Variants in SLC38A9 observed in about 807,000 individuals in gnomAD.
SLC38A9 encodes neutral amino acid transporter 9.
SLC38A9 carries 48 observed loss-of-function variants against 62.3 expected under a neutral mutation model. The observed-to-expected ratio is 0.77, with a 90% confidence interval of 0.61 to 0.98. The LOEUF (loss-of-function observed/expected upper bound fraction) is 0.98, where lower values mean the gene tolerates loss of function less well. SLC38A9 is among the 50% of genes least tolerant of loss of function. SLC38A9 has a pLI of 0.00. For synonymous variants in SLC38A9, 204 were observed against 227.7 expected (o/e 0.90, Z 0.94); for missense variants, 541 against 679.8 (o/e 0.80, Z 2.27).
intron 4 of SLC38A9, among the ~76,000 whole-genome samples, chr5:55,671,110 A>C (rs1301761337): frequency 1.3e-5 from 2 of 152,102 alleles, no homozygotes; most frequent in Non-Finnish European, 2.9e-5. Flanking sequence ...GTTTTCTCCC[A>C]GAATGTTCTT....
chr5:55,709,147 T>C (rs1424254911), intron 2 of SLC38A9, among the ~76,000 whole-genome samples: 8 of 152,164 alleles, frequency 5.3e-5, no homozygotes, highest in African/African-American at 1.7e-4. Context: ...TCCAACCTGA[T>C]CAATAAATGC....
chr5:55,682,575 G>A (rs1244892934), intron 3 of SLC38A9, among the ~76,000 whole-genome samples: 2 of 152,076 alleles, frequency 1.3e-5, no homozygotes, highest in African/African-American at 4.8e-5. Flanking sequence ...GGGAGTTCAA[G>A]AACAGCTTGG....
At chr5:55,685,875 C>T (rs188697690) in intron 3 of SLC38A9, among the ~76,000 whole-genome samples, 3 of 152,136 alleles carry the variant, frequency 2.0e-5, no homozygotes, top group Admixed American at 1.3e-4. Context: ...AAAGTGAGTA[C>T]ATGTGGTATT....
intron 12 of SLC38A9, among the ~76,000 whole-genome samples, chr5:55,636,329 G>C (rs1002441770): frequency 2.6e-5 from 4 of 152,108 alleles, no homozygotes; most frequent in African/African-American, 9.7e-5. Flanking sequence ...TTCTATTGCG[G>C]TTCCCACCCT....
rs756777235 is a variant in SLC38A9 at position 55,633,819 on chromosome 5, G to A, written c.1365C>T (p.Tyr455=). The A allele has an allele frequency of 6.2e-7, 1 of 1,614,146 alleles. No individual in the cohort carries two copies. Among genetic ancestry groups the A allele is most frequent in the East Asian group, 2.2e-5 (1 of 44,886 alleles). ...CACGAGCCAGGTAGCCTAAGAGTGG[G>A]TATACAGTCATCATCTGGAACAGCA... ...IFLLFQMMTV[Y]PLLGYLARVQ... The change falls in exon 14 of 16, where the codon TAC becomes TAT. Residue 455 remains tyrosine (Y), a synonymous_variant. Coordinates refer to ENST00000396865, the MANE Select transcript of SLC38A9 (RefSeq NM_173514.4).
intron 3 of SLC38A9, among the ~76,000 whole-genome samples, chr5:55,685,687 C>T (rs932274824): frequency 6.6e-6 from 1 of 152,024 alleles, no homozygotes; most frequent in African/African-American, 2.4e-5. Context: ...CATAGGCAAA[C>T]ATGTGTGATG....
intron 12 of SLC38A9, among the ~76,000 whole-genome samples, chr5:55,637,718 A>G (rs1365482522): frequency 6.6e-6 from 1 of 152,246 alleles, no homozygotes; most frequent in Non-Finnish European, 1.5e-5. Flanking sequence ...GTGCCAGGCT[A>G]TATTGCTAAG....
chr5:55,644,499 C>G (rs933477295), intron 12 of SLC38A9, among the ~76,000 whole-genome samples: 1 of 152,162 alleles, frequency 6.6e-6, no homozygotes, highest in African/African-American at 2.4e-5. Flanking sequence ...TCTCGGCTCA[C>G]TGCAACCTCT....
chr5:55,682,804 A>G (rs1246096865), intron 3 of SLC38A9, among the ~76,000 whole-genome samples: 1 of 152,172 alleles, frequency 6.6e-6, no homozygotes, highest in Non-Finnish European at 1.5e-5. Flanking sequence ...ACATAAAATT[A>G]AGTATTTAGC....
At chr5:55,646,698 G>T (rs544089401) in intron 11 of SLC38A9, among the ~76,000 whole-genome samples, 4 of 152,086 alleles carry the variant, frequency 2.6e-5, no homozygotes, top group Non-Finnish European at 5.9e-5. Flanking sequence ...TGTGGAGGCA[G>T]TTTCTTTTTT....
At chr5:55,684,525 C>T (rs1371215824) in intron 3 of SLC38A9, among the ~76,000 whole-genome samples, 2 of 152,204 alleles carry the variant, frequency 1.3e-5, no homozygotes, top group Admixed American at 1.3e-4. Context: ...CATTTCTAGG[C>T]TGTAGCCCTT....
At chr5:55,639,056 G>A (rs971623085) in intron 12 of SLC38A9, among the ~76,000 whole-genome samples, 1 of 151,936 alleles carries the variant, frequency 6.6e-6, no homozygotes, top group Non-Finnish European at 1.5e-5. Flanking sequence ...GGTGGTTCAC[G>A]CCTGTAATCC....
At chr5:55,704,890 G>A (rs1386720839) in intron 2 of SLC38A9, among the ~76,000 whole-genome samples, 17 of 152,146 alleles carry the variant, frequency 1.1e-4, no homozygotes, top group Admixed American at 1.1e-3. Context: ...AGATTCATTG[G>A]TTTTGGAGAT....
rs10055847 is a variant in SLC38A9, at chr5:55,670,196, A to G, written c.247-317T>C. On this transcript the variant is annotated intron_variant, in intron 4 of 15. Coordinates refer to ENST00000396865, the MANE Select transcript of SLC38A9 (RefSeq NM_173514.4). ...TAGCCAGGATGGTCTCGATCTCCTG[A>G]CCATGTCATGATCCACCCGCCTCGG... 8.9e-3 allele frequency among the ~76,000 whole-genome samples: 838 copies of G among 94,566 alleles called. 11 individuals carry two copies. The highest frequency in any genetic ancestry group is 0.026 in the African/African-American group (809 of 31,286). 62.0% of individuals were successfully genotyped at this position (94,566 alleles called of 152,430 possible).
chr5:55,686,518 A>G (rs1042009696), intron 3 of SLC38A9, among the ~76,000 whole-genome samples: 1 of 152,196 alleles, frequency 6.6e-6, no homozygotes, highest in African/African-American at 2.4e-5. Context: ...GCTGGATATT[A>G]GACCTTTGTC....
intron 8 of SLC38A9, among the ~76,000 whole-genome samples, chr5:55,659,385 T>TG (rs1749058771): frequency 6.8e-6 from 1 of 146,074 alleles, no homozygotes; most frequent in Non-Finnish European, 1.5e-5. Context: ...AAGGTTTTTT[T>TG]TTTTATTTTA....
At position 55,678,645 on chromosome 5, in the gene SLC38A9, C is replaced by CTTT. The variant is rs869297949; in HGVS notation, c.114-5953_114-5951dup. ...AATTGTTGGATAAGACTGAAATGAA[C>CTTT]TTTTTTTTTTTTTTTTTTTTTTTTT... On this transcript the variant is annotated intron_variant, in intron 3 of 15. Coordinates refer to ENST00000396865, the MANE Select transcript of SLC38A9 (RefSeq NM_173514.4). Among the ~76,000 whole-genome samples, 160 of 45,686 alleles carry CTTT rather than the reference C, an allele frequency of 3.5e-3. 36 individuals carry two copies. The highest frequency in any genetic ancestry group is 4.7e-3 in the South Asian group (5 of 1,056). The allele number at this position is 45,686 out of a possible 152,430, so 30.0% of individuals were successfully genotyped here.
At chr5:55,685,732 C>G (rs974425160) in intron 3 of SLC38A9, among the ~76,000 whole-genome samples, 7 of 152,094 alleles carry the variant, frequency 4.6e-5, no homozygotes, top group African/African-American at 1.7e-4. Flanking sequence ...ATCACCCAGG[C>G]ATTAAGCCTA....
rs568603460 is a variant in SLC38A9, at chr5:55,652,568, A to T, written c.913T>A (p.Phe305Ile). 243 of 1,606,942 alleles carry T rather than the reference A, an allele frequency of 1.5e-4. 2 individuals are homozygous for T. In the South Asian group the frequency reaches 2.6e-3, roughly 17 times the overall value. ...LVGLLLPLLN[F>I]KSPSFFSKFN... ...TTTGAAAAAAATGAAGGAGACTTGA[A>T]ATTGAGCAGTGGGAGGAGGAGCCCT... Residue 305 changes from phenylalanine to isoleucine, a missense_variant, in exon 10 of 16, where the codon TTC becomes ATC. Phe to Ile is a conservative substitution (Grantham distance 21). Transcript: ENST00000396865.
Sources: gnomAD v4.1 joint callset for allele counts (sites outside exome capture counted in the v4.1 genomes callset) on GRCh38, gnomAD v4.1.1 for gene constraint, MANE v1.5 for transcripts, NCBI Gene and HGNC (gene_info 2026-07-23, HGNC 2026-07-21) for gene names.